Variants in PGR observed in about 807,000 individuals in gnomAD.
The protein encoded by PGR is nuclear receptor subfamily 3 group C member 3.
A neutral mutation model predicts 76.1 loss-of-function variants in PGR; 25 were observed. The ratio of observed to expected loss-of-function variants is 0.33; its 90% CI spans 0.24 to 0.46. PGR has a LOEUF of 0.46. Among genes scored for constraint, PGR ranks in the 20% least tolerant of loss-of-function variants. The probability of loss-of-function intolerance (pLI) is 1.00; values close to 1 mark genes in which losing one functional copy is unlikely to be tolerated. For missense variants in PGR, 1,172 were observed against 1,225.3 expected, an observed-to-expected ratio of 0.96 and a Z score of 0.65; for synonymous variants, 579 against 535.0, an observed-to-expected ratio of 1.08 and a Z score of -1.14.
At chr11:101,071,282 T>C (rs1218068804) in intron 3 of PGR, among the ~76,000 whole-genome samples, 1 of 151,868 alleles carries the variant, frequency 6.6e-6, no homozygotes, top group Non-Finnish European at 1.5e-5. Context: ...AGCATCAACA[T>C]CAACAAAAAG....
rs570568902 is a variant in PGR at position 101,029,933 on chromosome 11, G to T, written c.*9183C>A. 1 of 225,144 alleles carries T rather than the reference G, an allele frequency of 4.4e-6. No individual in the cohort carries two copies. The highest frequency in any genetic ancestry group is 2.2e-5 in the African/African-American group (1 of 45,032). 13.9% of individuals were successfully genotyped at this position (225,144 alleles called of 1,614,324 possible). ...AGCTTTGCATTGTCACCCCATCACTGCCAGGGACCCAGCCCCAGGCATACA... is the reference window on the plus strand; with the variant it reads ...AGCTTTGCATTGTCACCCCATCACTTCCAGGGACCCAGCCCCAGGCATACA... On this transcript the variant is annotated 3_prime_UTR_variant, in exon 8 of 8. Coordinates refer to ENST00000325455, the MANE Select transcript of PGR (RefSeq NM_000926.4).
At position 101,128,828 on chromosome 11, in the gene PGR, C is replaced by A. The variant is rs770422665; in HGVS notation, c.243G>T (p.Ser81=). ...CTCTGGAATATGCGCCCTCCACGTC[C>A]GACAGCGACTGCTGGTCCTGCGTCT... ...DEKTQDQQSL[S]DVEGAYSRAE... is the part of the protein sequence containing the mutation. The change falls in exon 1 of 8, where the codon TCG becomes TCT. Residue 81 remains serine, a synonymous_variant. Transcript: ENST00000325455. The A allele has an allele frequency of 5.6e-6, 9 of 1,614,182 alleles. No homozygotes were observed. The highest frequency in any genetic ancestry group is 6.8e-6 in the Non-Finnish European group (8 of 1,180,052).
intron 3 of PGR, among the ~76,000 whole-genome samples, chr11:101,076,253 G>T (rs1440540006): frequency 2.0e-5 from 3 of 151,616 alleles, no homozygotes; most frequent in Admixed American, 2.0e-4. Flanking sequence ...TCTCATAAGT[G>T]GGAGGTGAAC....
chr11:101,068,345 C>T (rs1375983029), intron 3 of PGR, among the ~76,000 whole-genome samples: 1 of 151,958 alleles, frequency 6.6e-6, no homozygotes, highest in Non-Finnish European at 1.5e-5. Context: ...AGGAGAACTA[C>T]AAAACACTGC....
chr11:101,128,457 C>T lies in PGR; in HGVS notation c.614G>A (p.Trp205Ter). 6.2e-7 allele frequency: 1 copy of T among 1,609,598 alleles called. No individual in the cohort carries two copies. ...LLLPASESPHWSGAPVKPSPQ... is the reference protein window; with the variant it reads ...LLLPASESPH ...AGACGGCTTCACTGGGGCCCCGGAC[C>T]AGTGAGGGCTCTCAGAGGCCGGGAG... Residue 205 changes from tryptophan (W) to a stop codon, truncating the protein, a stop_gained, in exon 1 of 8, where the codon TGG (tryptophan) becomes TAG (stop). Coordinates refer to ENST00000325455, the MANE Select transcript of PGR (RefSeq NM_000926.4). LOFTEE classifies it high-confidence loss of function.
chr11:101,095,073 G>T (rs191135060), intron 2 of PGR, among the ~76,000 whole-genome samples: 7 of 152,232 alleles, frequency 4.6e-5, no homozygotes, highest in Non-Finnish European at 2.9e-5. Flanking sequence ...AAACTACCCA[G>T]TCTAAGGTAT....
intron 2 of PGR, among the ~76,000 whole-genome samples, chr11:101,121,404 T>C (rs1388044496): frequency 6.6e-6 from 1 of 152,212 alleles, no homozygotes; most frequent in Non-Finnish European, 1.5e-5. Flanking sequence ...GATGAAAAAT[T>C]GGATGTTCAA....
At chr11:101,123,429 C>T (rs1862740026) in intron 2 of PGR, among the ~76,000 whole-genome samples, 1 of 152,166 alleles carries the variant, frequency 6.6e-6, no homozygotes, top group Non-Finnish European at 1.5e-5. Flanking sequence ...AGTCCTTCTA[C>T]TTATCTTTCT....
Position 101,030,180 on chromosome 11 carries a change from CG to C in PGR, c.*8935del. The C allele has an allele frequency of 4.5e-6, 1 of 219,864 alleles. No individual in the cohort carries two copies. The highest frequency in any genetic ancestry group is 6.7e-5 in the East Asian group (1 of 14,822). 13.6% of individuals were successfully genotyped at this position (219,864 alleles called of 1,614,324 possible). A position where few individuals can be genotyped will look rare whatever the true frequency, so the allele number is the denominator to read the frequency against. ...TAGTAGCATTAATAACTAAATAGGG[CG>C]TGAGTCATGAGAAAGATTCCCTGCA... On this transcript the variant is annotated 3_prime_UTR_variant, in exon 8 of 8. Coordinates refer to ENST00000325455, the MANE Select transcript of PGR (RefSeq NM_000926.4).
intron 2 of PGR, among the ~76,000 whole-genome samples, chr11:101,123,280 C>A (rs919011653): frequency 6.6e-6 from 1 of 152,152 alleles, no homozygotes; most frequent in Non-Finnish European, 1.5e-5. Context: ...CATTTTCATT[C>A]TCATCCTTGG....
In PGR at chr11:101,060,625, A is replaced by G. The variant is rs557989061; in HGVS notation, c.2212+1822T>C. Among the ~76,000 whole-genome samples the G allele has an allele frequency of 3.9e-3, 591 of 152,286 alleles. 6 individuals carry two copies. The highest frequency in any genetic ancestry group is 0.013 in the African/African-American group (553 of 41,558). ...AAATAGTCACTCTAGCTCACTGACC[A>G]TTTTCATAATTCATTCAATAGTGCT... On this transcript the variant is annotated intron_variant, in intron 4 of 7. Coordinates refer to ENST00000325455, the MANE Select transcript of PGR (RefSeq NM_000926.4).
chr11:101,124,531 G>A (rs1453982096), intron 2 of PGR, among the ~76,000 whole-genome samples: 2 of 152,100 alleles, frequency 1.3e-5, no homozygotes, highest in Non-Finnish European at 2.9e-5. Flanking sequence ...GAAGGAGCTG[G>A]GGTAGGACAA....
chr11:101,112,237 T>C (rs1009572002), intron 2 of PGR, among the ~76,000 whole-genome samples: 1 of 152,180 alleles, frequency 6.6e-6, no homozygotes, highest in Non-Finnish European at 1.5e-5. Flanking sequence ...AGAAAAATGA[T>C]TGGTGGCTGA....
rs764379113 is a variant in PGR, at chr11:101,128,143, G to A, written c.928C>T (p.Pro310Ser). 1.3e-6 allele frequency: 2 copies of A among 1,598,172 alleles called. No homozygotes were observed. The highest frequency in any genetic ancestry group is 1.7e-6 in the Non-Finnish European group (2 of 1,179,716). ...GCTGCCAATAAGGCGTGATTGAGAG[G>A]CAGGATAGGCACGTGGATGAAATCC... Reference protein sequence around the residue: ...VMDFIHVPILPLNHALLAART... With the variant: ...VMDFIHVPILSLNHALLAART... Residue 310 changes from proline to serine, a missense_variant, in exon 1 of 8, where the codon CCT becomes TCT. Pro to Ser is a moderately conservative substitution (Grantham distance 74). Around this residue, in one of 4 missense-constraint regions of PGR, gnomAD observed 893 missense variants for 785.9 expected, o/e 1.14. Transcript: ENST00000325455.
In PGR at chr11:101,126,144, G is replaced by A. The variant is rs1862832253; in HGVS notation, c.1652C>T (p.Ala551Val). 5.0e-6 allele frequency: 8 copies of A among 1,613,924 alleles called. No individual in the cohort carries two copies. The highest frequency in any genetic ancestry group is 6.8e-6 in the Non-Finnish European group (8 of 1,179,984). ...YLNYLRPDSEASQSPQYSFES... is the reference protein window; with the variant it reads ...YLNYLRPDSEVSQSPQYSFES... ...GAAGCTGTATTGTGGGCTCTGGCTG[G>A]CTTCTGAATCCGGCCTTGAAATGCA... The change falls in exon 2 of 8, where the codon GCC becomes GTC. Residue 551 changes from alanine (A) to valine (V), a missense_variant. Transcript: ENST00000325455.
At chr11:101,049,789 C>G (rs1860026408) in intron 6 of PGR, 140 bp downstream of exon 6, 2 of 638,732 alleles carry the variant, frequency 3.1e-6, no homozygotes, top group Non-Finnish European at 5.4e-6. Context: ...ATGTCTATAA[C>G]AATATATTGG....
intron 2 of PGR, among the ~76,000 whole-genome samples, chr11:101,120,339 A>G (rs1280013809): frequency 6.6e-6 from 1 of 152,366 alleles, no homozygotes; most frequent in Middle Eastern, 3.4e-3. Flanking sequence ...TAAATTAGTG[A>G]ATCAAATCAT....
At chr11:101,040,737 G>A (rs1336698192) in intron 7 of PGR, among the ~76,000 whole-genome samples, 1 of 151,852 alleles carries the variant, frequency 6.6e-6, no homozygotes, top group Non-Finnish European at 1.5e-5. Context: ...TAGTTCAATT[G>A]TGCAGTGCCT....
At chr11:101,065,766 G>A (rs886964158) in intron 3 of PGR, among the ~76,000 whole-genome samples, 1 of 152,042 alleles carries the variant, frequency 6.6e-6, no homozygotes, top group Admixed American at 6.6e-5. Context: ...GGAAGATTTG[G>A]GCTGAGACGC....
Sources: allele counts gnomAD v4.1 joint callset (sites outside exome capture counted in the v4.1 genomes callset), GRCh38; gene constraint gnomAD v4.1.1; regional missense constraint gnomAD v4.1.1; transcripts MANE v1.5; gene names NCBI Gene and HGNC (gene_info 2026-07-23, HGNC 2026-07-21).